Variants in GPR55 observed in about 807,000 individuals in gnomAD.
GPR55 encodes G protein-coupled receptor 55, also known as G-protein coupled receptor 55.
Under a neutral mutation model 7.9 loss-of-function variants are expected in GPR55, and 6 were observed. That is an observed-to-expected ratio of 0.76 (90% CI 0.41 to 1.49). The LOEUF (loss-of-function observed/expected upper bound fraction) is 1.49. Ranked by LOEUF, GPR55 falls within the 40% of genes most tolerant of loss-of-function variation. The probability of loss-of-function intolerance (pLI) is 0.01; values close to 1 mark genes in which losing one functional copy is unlikely to be tolerated. For missense variants in GPR55, 376 were observed against 406.0 expected (o/e 0.93, Z 0.63); for synonymous variants, 183 against 166.8 (o/e 1.10, Z -0.75).
intron 1 of GPR55, among the ~76,000 whole-genome samples, chr2:230,950,559 A>C (rs554479251): frequency 8.5e-5 from 13 of 152,218 alleles, no homozygotes; most frequent in Non-Finnish European, 1.8e-4. Flanking sequence ...TTTTTCTCAC[A>C]TCTAAATAGA....
chr2:230,916,515 C>A (rs1487681196), intron 1 of GPR55, among the ~76,000 whole-genome samples: 2 of 151,022 alleles, frequency 1.3e-5, no homozygotes, highest in African/African-American at 4.9e-5. Flanking sequence ...CAGAGTGAGA[C>A]CCTCTCTCTA....
intron 1 of GPR55, among the ~76,000 whole-genome samples, chr2:230,956,881 A>G (rs543203485): frequency 1.5e-3 from 229 of 149,838 alleles, no homozygotes; most frequent in Non-Finnish European, 2.5e-3. Flanking sequence ...TGGAATCTCT[A>G]TTTGCCTAAT....
At chr2:230,949,844 T>A (rs200049421) in intron 1 of GPR55, among the ~76,000 whole-genome samples, 36,951 of 151,860 alleles carry the variant, frequency 0.24, 4,846 homozygotes, top group Non-Finnish European at 0.28. Flanking sequence ...AATTTATTTT[T>A]TTTTTTTGAG....
At chr2:230,948,789 C>A (rs1303203460) in intron 1 of GPR55, among the ~76,000 whole-genome samples, 2 of 152,216 alleles carry the variant, frequency 1.3e-5, no homozygotes, top group African/African-American at 4.8e-5. Flanking sequence ...AAAATATATT[C>A]CCTGAGGGTT....
At chr2:230,936,732 A>G (rs1691139292) in intron 1 of GPR55, among the ~76,000 whole-genome samples, 2 of 152,236 alleles carry the variant, frequency 1.3e-5, no homozygotes, top group South Asian at 4.1e-4. Flanking sequence ...GTAGTTGTCT[A>G]TAAAACCCTT....
At chr2:230,937,143 T>C (rs1213315275) in intron 1 of GPR55, among the ~76,000 whole-genome samples, 1 of 152,126 alleles carries the variant, frequency 6.6e-6, no homozygotes, top group African/African-American at 2.4e-5. Flanking sequence ...GGCTCACACC[T>C]GTAATCCCAA....
In GPR55 at chr2:230,930,667, G is replaced by A. The variant is rs914005014; in HGVS notation, c.-134-19571C>T. Among the ~76,000 whole-genome samples, 7 of 151,914 alleles carry A rather than the reference G, an allele frequency of 4.6e-5. No homozygotes were observed. The South Asian group carries it at 1.2e-3, about 27-fold the overall frequency. ...CAAAGGCATTGAGAGGTTTTGCCAT[G>A]TTTCCCAGGCTGGTCTCCAAGTCCT... is the stretch of plus-strand genomic sequence containing the variant. On this transcript the variant is annotated intron_variant, in intron 1 of 1. Coordinates refer to the GPR55 transcript ENST00000392039.
upstream of GPR55, among the ~76,000 whole-genome samples, chr2:230,928,018 G>T (rs1411520884): frequency 6.6e-6 from 1 of 152,208 alleles, no homozygotes; most frequent in Admixed American, 6.5e-5. Context: ...ACACGGGGAG[G>T]GAGGAGGATG....
At chr2:230,961,145 C>T (rs1315433315), upstream of GPR55, 3 of 152,224 alleles carry the variant, frequency 2.0e-5, no homozygotes, top group Non-Finnish European at 4.4e-5. Flanking sequence ...AATGAGATAA[C>T]TTCAGGCCCC....
At chr2:230,920,245 T>C (rs968501823) in intron 1 of GPR55, among the ~76,000 whole-genome samples, 9 of 152,048 alleles carry the variant, frequency 5.9e-5, no homozygotes, top group Admixed American at 1.3e-4. Flanking sequence ...GAGAAACAAC[T>C]TGTGGTCTGG....
intron 1 of GPR55, among the ~76,000 whole-genome samples, chr2:230,932,075 G>A (rs1047128649): frequency 2.0e-5 from 3 of 152,100 alleles, no homozygotes; most frequent in Non-Finnish European, 2.9e-5. Context: ...AAAAAATCTC[G>A]GTTCTGAGGC....
At chr2:230,917,837 T>A (rs1283536936) in intron 1 of GPR55, among the ~76,000 whole-genome samples, 3 of 151,434 alleles carry the variant, frequency 2.0e-5, no homozygotes, top group African/African-American at 7.3e-5. Context: ...CTCAAAATAA[T>A]AACAAAAATA....
intron 1 of GPR55, among the ~76,000 whole-genome samples, chr2:230,921,276 TAGAC>T (rs1221287680): frequency 6.6e-6 from 1 of 152,170 alleles, no homozygotes; most frequent in African/African-American, 2.4e-5. Context: ...ATGATCAAAA[TAGAC>T]AGAAATTAGA....
At position 230,910,379 on chromosome 2, in the gene GPR55, C is replaced by A. The variant is rs3749073; in HGVS notation, c.584G>T (p.Gly195Val). 0.11 allele frequency: 183,321 copies of A among 1,613,682 alleles called. 13,471 individuals carry two copies. The highest frequency in any genetic ancestry group is 0.34 in the African/African-American group (25,774 of 74,892). ...CCTGGAGCAGCAGAAGCCCATGATG[C>A]CCATGGGAAGGAGGAAGCCAAACAC... ...LEVFGFLLPM[G>V]IMGFCCSRSI... is the part of the protein sequence containing the mutation. The change falls in exon 2 of 2, where the codon GGC becomes GTC. Residue 195 changes from glycine to valine, a missense_variant. Gly to Val is a moderately radical substitution (Grantham distance 109). Transcript: ENST00000650999. The surrounding 1 kb of genome is among the most constrained non-coding windows in gnomAD (Gnocchi z 5.4).
upstream of GPR55, among the ~76,000 whole-genome samples, chr2:230,926,424 A>G (rs1377156692): frequency 1.3e-5 from 2 of 152,210 alleles, no homozygotes; most frequent in African/African-American, 4.8e-5. Flanking sequence ...CTGGGCCACC[A>G]GCCCAATCTA....
intron 1 of GPR55, among the ~76,000 whole-genome samples, chr2:230,934,699 G>T (rs947430626): frequency 1.3e-5 from 2 of 152,180 alleles, no homozygotes; most frequent in Non-Finnish European, 2.9e-5. Flanking sequence ...CTGGGGTGGG[G>T]TGAGGATGAC....
chr2:230,911,876 T>C (rs1279547718), intron 1 of GPR55, among the ~76,000 whole-genome samples: 1 of 152,148 alleles, frequency 6.6e-6, no homozygotes, highest in African/African-American at 2.4e-5. Flanking sequence ...CACAGGGGTG[T>C]GGTCCGAGCC....
chr2:230,929,440 C>A (rs1690996809), upstream of GPR55: 1 of 152,222 alleles, frequency 6.6e-6, no homozygotes, highest in South Asian at 2.1e-4. Context: ...CGCAAGGGGG[C>A]AGCAACTGTC....
In GPR55 at chr2:230,949,257, G is replaced by C. The variant is rs532664064; in HGVS notation, c.-135+11518C>G. ...CAGCTCACTGCAACGTCTGTCTCCC[G>C]GGTTAAAGCGATTCTCCTGCCTCAG... On this transcript the variant is annotated intron_variant, in intron 1 of 1. Coordinates refer to the GPR55 transcript ENST00000392039. Among the ~76,000 whole-genome samples the C allele has an allele frequency of 1.2e-4, 18 of 152,122 alleles. No individual in the cohort carries two copies. The East Asian group carries it at 3.3e-3, about 28-fold the overall frequency.
Sources: allele counts gnomAD v4.1 joint callset (sites outside exome capture counted in the v4.1 genomes callset), GRCh38; gene constraint gnomAD v4.1.1; non-coding constraint Gnocchi (gnomAD v3.1); transcripts MANE v1.5; gene names NCBI Gene and HGNC (gene_info 2026-07-23, HGNC 2026-07-21).